AFDN: variants seen among roughly 807,000 people sequenced by gnomAD.
AFDN encodes afadin.
A neutral mutation model predicts 216.6 loss-of-function variants in AFDN; 68 were observed. The observed-to-expected ratio is 0.31, with a 90% CI of 0.26 to 0.38. AFDN has a LOEUF of 0.38. Among genes scored for constraint, AFDN ranks in the 10% least tolerant of loss-of-function variants. AFDN has a pLI of 1.00. For missense variants in AFDN, 2,136 were observed against 2,342.0 expected (o/e 0.91, Z 1.82); for synonymous variants, 868 against 853.7 (o/e 1.02, Z -0.29).
At position 167,946,705 on chromosome 6, in the gene AFDN, A is replaced by G. The variant is rs891761567; in HGVS notation, c.3359-2A>G. 3 of 1,613,324 alleles carry G rather than the reference A, an allele frequency of 1.9e-6. No homozygotes were observed. The highest frequency in any genetic ancestry group is 2.5e-6 in the Non-Finnish European group (3 of 1,179,586). On this transcript the variant is annotated splice_acceptor_variant, in intron 26 of 33. Coordinates refer to ENST00000683244, the MANE Select transcript of AFDN (RefSeq NM_001386888.1). LOFTEE classifies it high-confidence loss of function. Reference sequence around the variant, plus strand: ...GAGATACTGAATATGCTTTGATTCCAGTTTCAGATCGTCGTGGCTCAGGTA... The same window carrying G: ...GAGATACTGAATATGCTTTGATTCCGGTTTCAGATCGTCGTGGCTCAGGTA...
intron 4 of AFDN, 107 bp from the exon 5 acceptor site, chr6:167,875,228 T>C (rs1238444193): frequency 2.1e-6 from 2 of 973,764 alleles, no homozygotes; most frequent in African/African-American, 3.3e-5. Context: ...TAGGTACAGA[T>C]GTAGCCAAAT....
In AFDN at chr6:167,826,993, GGCCGCGGAGGCGGAGGCA is replaced by G. The variant is rs1280947509; in HGVS notation, c.-122_-105del. 961 of 182,730 alleles carry G rather than the reference GGCCGCGGAGGCGGAGGCA, an allele frequency of 5.3e-3. 10 individuals are homozygous for G. Among genetic ancestry groups the G allele is most frequent in the African/African-American group, 0.019 (775 of 41,606 alleles). The allele number at this position is 182,730 out of a possible 1,614,324, so 11.3% of individuals were successfully genotyped here. ...GAGGCCAAGTCGGAGGACGCGGCGCGGCCGCGGAGGCGGAGGCAGCCGCGGAGGCGGAGGCGGCCGGCG... is the reference window on the plus strand; with the variant it reads ...GAGGCCAAGTCGGAGGACGCGGCGCGGCCGCGGAGGCGGAGGCGGCCGGCG... On this transcript the variant is annotated 5_prime_UTR_variant, in exon 1 of 34. Coordinates refer to ENST00000683244, the MANE Select transcript of AFDN (RefSeq NM_001386888.1).
At chr6:167,942,059 C>T (rs549800940) in intron 23 of AFDN, among the ~76,000 whole-genome samples, 2 of 152,124 alleles carry the variant, frequency 1.3e-5, no homozygotes, top group South Asian at 4.1e-4. Flanking sequence ...CTGCTACAGG[C>T]GTTTTGTTTT....
At chr6:167,832,092 A>C (rs1177838124) in intron 1 of AFDN, among the ~76,000 whole-genome samples, 1 of 152,244 alleles carries the variant, frequency 6.6e-6, no homozygotes, top group Non-Finnish European at 1.5e-5. Flanking sequence ...TCTGGCTGAT[A>C]GTATATAGGA....
chr6:167,970,896 C>T lies in AFDN; in HGVS notation c.*961C>T, dbSNP rs1452536599. On this transcript the variant is annotated 3_prime_UTR_variant, in exon 34 of 34. Coordinates refer to ENST00000683244, the MANE Select transcript of AFDN (RefSeq NM_001386888.1). Reference sequence around the variant, plus strand: ...ATTTGAAAAAGAAATCGATTTTCATCTGTATGCCGTCAAGGAAGGAATTCA... The same window carrying T: ...ATTTGAAAAAGAAATCGATTTTCATTTGTATGCCGTCAAGGAAGGAATTCA... 1 of 214,740 alleles carries T rather than the reference C, an allele frequency of 4.7e-6. No homozygotes were observed. Among genetic ancestry groups the T allele is most frequent in the Non-Finnish European group, 9.4e-6 (1 of 106,552 alleles). 13.3% of individuals were successfully genotyped at this position (214,740 alleles called of 1,614,324 possible). A position where few individuals can be genotyped will look rare whatever the true frequency, so the allele number is the denominator to read the frequency against.
chr6:167,914,267 C>G lies in AFDN; in HGVS notation c.2158C>G (p.Leu720Val). 6.2e-7 allele frequency: 1 copy of G among 1,614,194 alleles called. No individual in the cohort carries two copies. Residue 720 changes from leucine to valine, a missense_variant, in exon 17 of 34, where the codon CTG becomes GTG. Leu to Val is a conservative substitution (Grantham distance 32, BLOSUM62 1). Transcript: ENST00000683244. ...AGACCGAGACCTTAGTCGGATCACA[C>G]TGGATGCTCAAGATGTTTTAGCACA... ...KQDRDLSRIT[L>V]DAQDVLAHLV... is the part of the protein sequence containing the mutation.
intron 1 of AFDN, among the ~76,000 whole-genome samples, chr6:167,843,353 A>C (rs1382871987): frequency 1.3e-5 from 2 of 152,202 alleles, no homozygotes; most frequent in African/African-American, 4.8e-5. Flanking sequence ...ACTAAAAGTC[A>C]AGGATGTGAC....
At chr6:167,932,241 A>G (rs1054473820) in intron 23 of AFDN, among the ~76,000 whole-genome samples, 2 of 152,120 alleles carry the variant, frequency 1.3e-5, no homozygotes, top group African/African-American at 2.4e-5. Flanking sequence ...TGTATGGGGT[A>G]GCTGCTGTAA....
chr6:167,913,377 A>T (rs1790652403), intron 15 of AFDN, 26 bp from the exon 16 acceptor site: 1 of 1,535,288 alleles, frequency 6.5e-7, no homozygotes, highest in African/African-American at 1.4e-5. Flanking sequence ...GTTCTGCTTG[A>T]TTTCCCCTCG....
At chr6:167,945,689 C>T (rs1269573563) in intron 26 of AFDN, among the ~76,000 whole-genome samples, 1 of 152,278 alleles carries the variant, frequency 6.6e-6, no homozygotes, top group African/African-American at 2.4e-5. Context: ...TGTGGTTCAT[C>T]ATTGACCAAA....
At chr6:167,838,943 A>G (rs915382961) in intron 1 of AFDN, among the ~76,000 whole-genome samples, 2 of 152,170 alleles carry the variant, frequency 1.3e-5, no homozygotes, top group African/African-American at 4.8e-5. Context: ...GGTAACTTCA[A>G]TTGCTCACCC....
intron 1 of AFDN, among the ~76,000 whole-genome samples, chr6:167,850,598 TTGTA>T (rs1782187711): frequency 6.6e-6 from 1 of 152,218 alleles, no homozygotes; most frequent in Admixed American, 6.5e-5. Context: ...TGTATATAAT[TTGTA>T]TGGTACATTA....
chr6:167,963,824 T>C (rs1797269150), intron 31 of AFDN: 2 of 1,063,540 alleles, frequency 1.9e-6, no homozygotes, highest in Non-Finnish European at 2.3e-6. Flanking sequence ...ATTTACAAAA[T>C]GCTGAGCCGC....
intron 23 of AFDN, among the ~76,000 whole-genome samples, chr6:167,925,649 C>G (rs1435547693): frequency 2.0e-5 from 3 of 152,164 alleles, no homozygotes; most frequent in Admixed American, 6.5e-5. Context: ...CTGGACCACC[C>G]TCCTGGAATT....
At chr6:167,883,907 T>C (rs944515279) in intron 6 of AFDN, among the ~76,000 whole-genome samples, 1 of 152,190 alleles carries the variant, frequency 6.6e-6, no homozygotes, top group Non-Finnish European at 1.5e-5. Flanking sequence ...CTGTAGCATA[T>C]GATACTGTTA....
At chr6:167,872,641 T>G (rs1331441163) in intron 4 of AFDN, among the ~76,000 whole-genome samples, 5 of 152,166 alleles carry the variant, frequency 3.3e-5, no homozygotes, top group Admixed American at 2.0e-4. Flanking sequence ...ATAAGCAAAC[T>G]CTAGTTAACA....
intron 12 of AFDN, among the ~76,000 whole-genome samples, chr6:167,903,536 C>G (rs1237789336): frequency 6.6e-6 from 1 of 152,180 alleles, no homozygotes; most frequent in Non-Finnish European, 1.5e-5. Context: ...AATACAGGCC[C>G]AGTCCAGATT....
intron 2 of AFDN, among the ~76,000 whole-genome samples, chr6:167,865,451 T>TA (rs573727484): frequency 2.2e-4 from 31 of 143,956 alleles, no homozygotes; most frequent in Non-Finnish European, 2.5e-4. Flanking sequence ...CACAAAAAAA[T>TA]AAAAAAAAAA....
At chr6:167,846,069 G>A (rs2128150710) in intron 1 of AFDN, among the ~76,000 whole-genome samples, 1 of 152,114 alleles carries the variant, frequency 6.6e-6, no homozygotes. Context: ...TCCCTCCCTT[G>A]ACATAAGGGG....
Sources: allele counts gnomAD v4.1 joint callset (sites outside exome capture counted in the v4.1 genomes callset), GRCh38; gene constraint gnomAD v4.1.1; transcripts MANE v1.5; gene names NCBI Gene and HGNC (gene_info 2026-07-23, HGNC 2026-07-21).